Variants in DMRT1 observed in about 807,000 individuals in gnomAD.
DMRT1 encodes the protein doublesex- and mab-3-related transcription factor 1.
In DMRT1, 7 loss-of-function variants were observed where a neutral mutation model predicts 32.3. The ratio of observed to expected loss-of-function variants is 0.22; its 90% confidence interval spans 0.12 to 0.41. DMRT1 has a LOEUF of 0.41. Among genes scored for constraint, DMRT1 ranks in the 10% least tolerant of loss-of-function variants. The pLI is 1.00. For missense variants in DMRT1, 625 were observed against 500.5 expected, an observed-to-expected ratio of 1.25 and a Z score of -2.37; for synonymous variants, 278 against 206.1, an observed-to-expected ratio of 1.35 and a Z score of -2.99.
chr9:880,459 G>T (rs1021890544), intron 2 of DMRT1, among the ~76,000 whole-genome samples: 1 of 151,858 alleles, frequency 6.6e-6, no homozygotes, highest in African/African-American at 2.4e-5. Flanking sequence ...GGGCGTGGTG[G>T]CTTACACCTG....
At chr9:898,042 C>A (rs957948482) in intron 3 of DMRT1, among the ~76,000 whole-genome samples, 1 of 150,544 alleles carries the variant, frequency 6.6e-6, no homozygotes, top group African/African-American at 2.5e-5. Flanking sequence ...CAAATAATAC[C>A]TTTAGCTAAT....
chr9:872,678 T>C (rs575403927), intron 2 of DMRT1, among the ~76,000 whole-genome samples: 1 of 152,346 alleles, frequency 6.6e-6, no homozygotes, highest in East Asian at 1.9e-4. Flanking sequence ...TTATTACTTA[T>C]CAGTATTTTA....
At chr9:866,550 G>C (rs140338930) in intron 2 of DMRT1, among the ~76,000 whole-genome samples, 2 of 152,094 alleles carry the variant, frequency 1.3e-5, no homozygotes, top group Non-Finnish European at 2.9e-5. Context: ...GTGTTTACTT[G>C]AAAATAAACA....
At chr9:879,041 G>T (rs75577072) in intron 2 of DMRT1, among the ~76,000 whole-genome samples, 2,763 of 152,204 alleles carry the variant, frequency 0.018, 86 homozygotes, top group African/African-American at 0.063. Context: ...TAAGGATAAA[G>T]CCAGAGCTGC....
At chr9:941,957 C>T (rs1819088261) in intron 4 of DMRT1, among the ~76,000 whole-genome samples, 1 of 152,188 alleles carries the variant, frequency 6.6e-6, no homozygotes, top group African/African-American at 2.4e-5. Context: ...GACATCTGCA[C>T]TTATATCCAG....
chr9:945,551 T>G (rs140730916), intron 4 of DMRT1, among the ~76,000 whole-genome samples: 2,930 of 152,306 alleles, frequency 0.019, 92 homozygotes, highest in African/African-American at 0.067. Flanking sequence ...TTTATTCATC[T>G]AAAAAATACC....
intron 2 of DMRT1, among the ~76,000 whole-genome samples, chr9:861,529 G>A (rs941733728): frequency 1.5e-4 from 23 of 152,200 alleles, no homozygotes; most frequent in African/African-American, 5.3e-4. Context: ...TTTTCTATTC[G>A]ACAAAACCGC....
intron 3 of DMRT1, among the ~76,000 whole-genome samples, chr9:910,710 A>G (rs757375549): frequency 1.3e-5 from 2 of 152,142 alleles, no homozygotes; most frequent in Non-Finnish European, 2.9e-5. Flanking sequence ...AGTTAATACT[A>G]ACACCATGAG....
In DMRT1 at chr9:893,980, C is replaced by A. The variant is rs1817250467; in HGVS notation, c.607C>A (p.Leu203Met). 6 of 1,613,978 alleles carry A rather than the reference C, an allele frequency of 3.7e-6. No individual in the cohort carries two copies. The East Asian group carries it at 6.7e-5, about 18-fold the overall frequency. ...AGGGCATGTGGAGAACACACCTGAC[C>A]TGGTTTCAGACTCCACCTACTACAG... Reference protein sequence around the residue: ...SRGHVENTPDLVSDSTYYSSF... With the variant: ...SRGHVENTPDMVSDSTYYSSF... The change falls in exon 3 of 5, where the codon CTG (leucine) becomes ATG (methionine). Residue 203 changes from leucine (L) to methionine (M), a missense_variant. Leu to Met is a conservative substitution (Grantham distance 15). Coordinates refer to ENST00000382276, the MANE Select transcript of DMRT1 (RefSeq NM_021951.3).
chr9:871,274 A>C (rs1402004136), intron 2 of DMRT1, among the ~76,000 whole-genome samples: 1 of 148,886 alleles, frequency 6.7e-6, no homozygotes, highest in Non-Finnish European at 1.5e-5. Flanking sequence ...GCAATTCTCC[A>C]CCTTGGCCTC....
At chr9:911,801 A>T (rs569206071) in intron 3 of DMRT1, among the ~76,000 whole-genome samples, 1 of 152,250 alleles carries the variant, frequency 6.6e-6, no homozygotes, top group African/African-American at 2.4e-5. Context: ...CATGAATTGC[A>T]GTTTTAACAT....
intron 2 of DMRT1, among the ~76,000 whole-genome samples, chr9:848,148 T>G (rs538553772): frequency 3.3e-5 from 5 of 152,348 alleles, no homozygotes; most frequent in Non-Finnish European, 4.4e-5. Flanking sequence ...TGATATCACC[T>G]TGACTAAGCT....
chr9:924,956 G>A lies in DMRT1; in HGVS notation c.967+8049G>A, dbSNP rs146719543. Among the ~76,000 whole-genome samples, 410 of 152,282 alleles carry A rather than the reference G, an allele frequency of 2.7e-3. 2 individuals carry two copies. Among genetic ancestry groups the A allele is most frequent in the African/African-American group, 9.4e-3 (389 of 41,560 alleles). ...AGGCAAACTGTGGGCAAGATTGAGA[G>A]CTGTCGGGCTCCTAACGTGTCCTCT... On this transcript the variant is annotated intron_variant, in intron 4 of 4. Transcript: ENST00000382276.
intron 4 of DMRT1, among the ~76,000 whole-genome samples, chr9:928,188 C>T (rs955021103): frequency 2.0e-5 from 3 of 152,098 alleles, no homozygotes; most frequent in Non-Finnish European, 4.4e-5. Context: ...TTTACATTCA[C>T]GCTAAAAGTG....
intron 2 of DMRT1, among the ~76,000 whole-genome samples, chr9:876,410 T>C (rs1816500856): frequency 6.6e-6 from 1 of 152,174 alleles, no homozygotes; most frequent in African/African-American, 2.4e-5. Context: ...TCACAGTCTG[T>C]CTTTGGAGCT....
intron 2 of DMRT1, among the ~76,000 whole-genome samples, chr9:857,661 A>G (rs1251797185): frequency 1.3e-5 from 2 of 151,912 alleles, no homozygotes; most frequent in African/African-American, 4.8e-5. Flanking sequence ...GTTTTAGGGT[A>G]CATGTGCACA....
chr9:964,288 G>A (rs1233039922), intron 4 of DMRT1, among the ~76,000 whole-genome samples: 3 of 152,038 alleles, frequency 2.0e-5, no homozygotes, highest in East Asian at 3.9e-4. Flanking sequence ...TCATCTTGAA[G>A]TGTTTTTTCC....
chr9:942,912 C>T (rs1327119276), intron 4 of DMRT1, among the ~76,000 whole-genome samples: 1 of 151,898 alleles, frequency 6.6e-6, no homozygotes, highest in Non-Finnish European at 1.5e-5. Flanking sequence ...AGAATTACTC[C>T]CTTAAGGAAT....
chr9:900,416 C>G (rs1817528283), intron 3 of DMRT1, among the ~76,000 whole-genome samples: 1 of 152,034 alleles, frequency 6.6e-6, no homozygotes, highest in Non-Finnish European at 1.5e-5. Flanking sequence ...AGCATCAGAA[C>G]AACCTGTTTG....
Sources: allele counts gnomAD v4.1 joint callset (sites outside exome capture counted in the v4.1 genomes callset), GRCh38; gene constraint gnomAD v4.1.1; transcripts MANE v1.5; gene names NCBI Gene and HGNC (gene_info 2026-07-23, HGNC 2026-07-21).